CDKAL1: variants seen among roughly 807,000 people sequenced by gnomAD.
The protein encoded by CDKAL1 is CDKAL1 threonylcarbamoyladenosine tRNA methylthiotransferase.
A neutral mutation model predicts 68.2 loss-of-function variants in CDKAL1; 32 were observed. The ratio of observed to expected loss-of-function variants is 0.47; its 90% confidence interval spans 0.35 to 0.63. CDKAL1 has a LOEUF of 0.63. Among genes scored for constraint, CDKAL1 ranks in the 30% least tolerant of loss-of-function variants. The probability of loss-of-function intolerance (pLI) is 0.00; values close to 1 mark genes in which losing one functional copy is unlikely to be tolerated. For missense variants in CDKAL1, 606 were observed against 696.7 expected, an observed-to-expected ratio of 0.87 and a Z score of 1.47; for synonymous variants, 234 against 244.3, an observed-to-expected ratio of 0.96 and a Z score of 0.39.
intron 10 of CDKAL1, among the ~76,000 whole-genome samples, chr6:20,996,882 TATTC>T (rs1767147725): frequency 1.3e-5 from 2 of 152,242 alleles, no homozygotes; most frequent in African/African-American, 4.8e-5. Context: ...TACATATAAT[TATTC>T]ATTTGTTCCA....
intron 9 of CDKAL1, among the ~76,000 whole-genome samples, chr6:20,850,637 C>G (rs1038222380): frequency 6.6e-6 from 1 of 151,984 alleles, no homozygotes; most frequent in African/African-American, 2.4e-5. Context: ...AGGGTTTTGC[C>G]ATGTTTCCCA....
chr6:20,839,648 C>G (rs1435575453), intron 8 of CDKAL1, among the ~76,000 whole-genome samples: 1 of 152,060 alleles, frequency 6.6e-6, no homozygotes, highest in Non-Finnish European at 1.5e-5. Flanking sequence ...TTACAGCTCT[C>G]GTCTCCAAGC....
At chr6:20,746,178 C>A (rs965147202) in intron 6 of CDKAL1, among the ~76,000 whole-genome samples, 5 of 152,252 alleles carry the variant, frequency 3.3e-5, no homozygotes, top group African/African-American at 1.2e-4. Context: ...CCCTTCTAGC[C>A]TGGCTTCATC....
At chr6:20,888,518 C>G (rs1390399204) in intron 9 of CDKAL1, among the ~76,000 whole-genome samples, 1 of 100,170 alleles carries the variant, frequency 1.0e-5, no homozygotes, top group African/African-American at 3.7e-5. Context: ...TATCCCTCCC[C>G]CCTCCCCCCA....
At chr6:20,606,368 C>G (rs1370518038) in intron 4 of CDKAL1, among the ~76,000 whole-genome samples, 3 of 152,130 alleles carry the variant, frequency 2.0e-5, no homozygotes, top group Non-Finnish European at 2.9e-5. Context: ...TTGTTTCCCT[C>G]TAGATTTTCT....
intron 11 of CDKAL1, among the ~76,000 whole-genome samples, chr6:21,045,131 A>G (rs1770149985): frequency 6.6e-6 from 1 of 152,226 alleles, no homozygotes; most frequent in Non-Finnish European, 1.5e-5. Flanking sequence ...GGACACCATC[A>G]TTCAAACCAT....
At chr6:20,999,324 G>A (rs1236949401) in intron 10 of CDKAL1, among the ~76,000 whole-genome samples, 1 of 150,876 alleles carries the variant, frequency 6.6e-6, no homozygotes, top group Non-Finnish European at 1.5e-5. Context: ...TGACCTGACA[G>A]CATGCAGCAG....
At chr6:20,694,025 AAC>A (rs1770988824) in intron 5 of CDKAL1, among the ~76,000 whole-genome samples, 1 of 145,550 alleles carries the variant, frequency 6.9e-6, no homozygotes, top group South Asian at 2.2e-4. Flanking sequence ...GGCACACACT[AAC>A]ACACCCGGCT....
intron 13 of CDKAL1, among the ~76,000 whole-genome samples, chr6:21,122,302 A>T (rs1431324480): frequency 3.3e-5 from 5 of 152,248 alleles, no homozygotes; most frequent in African/African-American, 1.2e-4. Context: ...CACTACAGAA[A>T]GTATAAAGAA....
chr6:21,025,563 G>A (rs1251307941), intron 11 of CDKAL1, among the ~76,000 whole-genome samples: 1 of 152,046 alleles, frequency 6.6e-6, no homozygotes, highest in Non-Finnish European at 1.5e-5. Flanking sequence ...GTTTGTTTGG[G>A]GGTAGGAATG....
At chr6:21,144,788 G>C (rs759812719) in intron 13 of CDKAL1, among the ~76,000 whole-genome samples, 1 of 152,138 alleles carries the variant, frequency 6.6e-6, no homozygotes, top group Non-Finnish European at 1.5e-5. Flanking sequence ...GGGTGACACA[G>C]TGAGACTGAC....
intron 6 of CDKAL1, among the ~76,000 whole-genome samples, chr6:20,748,741 A>T (rs1773782867): frequency 6.6e-6 from 1 of 151,894 alleles, no homozygotes; most frequent in Non-Finnish European, 1.5e-5. Context: ...CCAAGAAGAC[A>T]CACTGGGGAA....
chr6:20,720,160 T>C (rs1450009050), intron 5 of CDKAL1, among the ~76,000 whole-genome samples: 1 of 152,152 alleles, frequency 6.6e-6, no homozygotes, highest in East Asian at 1.9e-4. Flanking sequence ...GATGTGGTTT[T>C]GGGCCCTGTG....
chr6:20,732,828 A>G lies in CDKAL1; in HGVS notation c.372-6691A>G, dbSNP rs536374352. ...TTTTCCCATGTAGTTTCTTTTTCAAACTTTTTGTATGTGTCTCATTGAATT... is the reference window on the plus strand; with the variant it reads ...TTTTCCCATGTAGTTTCTTTTTCAAGCTTTTTGTATGTGTCTCATTGAATT... On this transcript the variant is annotated intron_variant, in intron 5 of 15. Coordinates refer to ENST00000274695, the MANE Select transcript of CDKAL1 (RefSeq NM_017774.3). Among the ~76,000 whole-genome samples, 4 of 152,082 alleles carry G rather than the reference A, an allele frequency of 2.6e-5. No individual in the cohort carries two copies. In the East Asian group the frequency reaches 5.8e-4, roughly 22 times the overall value.
At chr6:20,649,480 T>G in intron 5 of CDKAL1, 103 bp downstream of exon 5, 1 of 616,120 alleles carries the variant, frequency 1.6e-6, no homozygotes, top group Non-Finnish European at 2.8e-6. Context: ...TAGTTTATAT[T>G]AAAAAAGTAT....
chr6:20,925,494 T>C (rs537345207), intron 9 of CDKAL1, among the ~76,000 whole-genome samples: 8 of 152,214 alleles, frequency 5.3e-5, no homozygotes, highest in Non-Finnish European at 1.0e-4. Context: ...TATACTGTTA[T>C]AAGAGTAGAG....
At chr6:20,847,267 C>T (rs1450472074) in intron 9 of CDKAL1, among the ~76,000 whole-genome samples, 2 of 152,126 alleles carry the variant, frequency 1.3e-5, no homozygotes, top group African/African-American at 4.8e-5. Context: ...CTTTTACAGC[C>T]AGATTATTGT....
chr6:21,162,818 C>T (rs568454106), intron 13 of CDKAL1, among the ~76,000 whole-genome samples: 1 of 152,034 alleles, frequency 6.6e-6, no homozygotes, highest in African/African-American at 2.4e-5. Flanking sequence ...GTCCCAGCTG[C>T]TCAGGAGGCT....
At chr6:21,109,386 T>C (rs1415730208) in intron 13 of CDKAL1, among the ~76,000 whole-genome samples, 2 of 152,212 alleles carry the variant, frequency 1.3e-5, no homozygotes, top group African/African-American at 2.4e-5. Flanking sequence ...TGAAAACTAC[T>C]TTCCTCAGTT....
Sources: gnomAD v4.1 joint callset for allele counts (sites outside exome capture counted in the v4.1 genomes callset) on GRCh38, gnomAD v4.1.1 for gene constraint, MANE v1.5 for transcripts, NCBI Gene and HGNC (gene_info 2026-07-23, HGNC 2026-07-21) for gene names.